IPO9: variants seen among roughly 807,000 people sequenced by gnomAD.
The protein encoded by IPO9 is importin 9.
A neutral mutation model predicts 128.6 loss-of-function variants in IPO9; 28 were observed. That is an observed-to-expected ratio of 0.22 (90% confidence interval 0.16 to 0.30). The LOEUF is 0.30. Ranked by LOEUF, IPO9 falls within the 10% of genes least tolerant of loss-of-function variation. The pLI, the probability that IPO9 is intolerant of heterozygous loss-of-function variation, is 1.00. For missense variants in IPO9, 935 were observed against 1,293.9 expected, an observed-to-expected ratio of 0.72 and a Z score of 4.26; for synonymous variants, 455 against 475.8, an observed-to-expected ratio of 0.96 and a Z score of 0.57.
At position 201,855,112 on chromosome 1, in the gene IPO9, T is replaced by C. The variant is rs763524333; in HGVS notation, c.912-12T>C. On this transcript the variant is annotated splice_polypyrimidine_tract_variant and intron_variant, in intron 8 of 23. Coordinates refer to ENST00000361565, the MANE Select transcript of IPO9 (RefSeq NM_018085.5). The stretch of plus-strand genomic sequence containing the variant: ...CAGACTCCAAATTCTATTTCTTTAC[T>C]CTTCATCATACTTATGTGAGGACAG... 6 of 1,558,150 alleles carry C rather than the reference T, an allele frequency of 3.9e-6. No individual in the cohort carries two copies. The highest frequency in any genetic ancestry group is 5.3e-6 in the Non-Finnish European group (6 of 1,133,472).
At chr1:201,859,567 T>A (rs1459421668) in intron 13 of IPO9, among the ~76,000 whole-genome samples, 1 of 152,188 alleles carries the variant, frequency 6.6e-6, no homozygotes, top group Non-Finnish European at 1.5e-5. Context: ...ACATTCTTCC[T>A]GTTTGTTTCC....
intron 1 of IPO9, among the ~76,000 whole-genome samples, chr1:201,833,011 T>C (rs1194244115): frequency 6.6e-6 from 1 of 152,220 alleles, no homozygotes; most frequent in East Asian, 1.9e-4. Context: ...TAAAGATTGC[T>C]GGAGCCTAGA....
chr1:201,831,602 A>G (rs781713144), intron 1 of IPO9, among the ~76,000 whole-genome samples: 28 of 152,136 alleles, frequency 1.8e-4, no homozygotes, highest in Non-Finnish European at 7.4e-5. Flanking sequence ...GTTATCTTTG[A>G]CATTGGGTTC....
intron 16 of IPO9, among the ~76,000 whole-genome samples, chr1:201,869,018 C>T (rs780900245): frequency 2.0e-5 from 3 of 152,002 alleles, no homozygotes; most frequent in African/African-American, 7.3e-5. Flanking sequence ...TTTGGGAGGC[C>T]GAGGTGGGTG....
intron 2 of IPO9, 66 bp downstream of exon 2, chr1:201,847,406 G>A: frequency 2.0e-6 from 3 of 1,506,746 alleles, no homozygotes; most frequent in Admixed American, 1.8e-5. Context: ...TTTCTTATAG[G>A]AAAGAAAAAT....
intron 14 of IPO9, 28 bp from the exon 15 acceptor site, chr1:201,866,705 T>C: frequency 6.5e-7 from 1 of 1,540,678 alleles, no homozygotes; most frequent in Non-Finnish European, 9.0e-7. Context: ...TTTTTTTTAA[T>C]AATTCTTGCT....
intron 14 of IPO9, among the ~76,000 whole-genome samples, chr1:201,865,129 A>G (rs956080405): frequency 1.3e-5 from 2 of 150,112 alleles, no homozygotes; most frequent in Admixed American, 6.6e-5. Flanking sequence ...CCCTTTGGTC[A>G]TTTCCTATTT....
chr1:201,872,418 C>A (rs1680670174), intron 19 of IPO9, among the ~76,000 whole-genome samples: 2 of 151,930 alleles, frequency 1.3e-5, no homozygotes, highest in Admixed American at 6.6e-5. Flanking sequence ...ACCCGGGCAA[C>A]ATGGTGAAAC....
chr1:201,850,834 G>C (rs990400151), intron 4 of IPO9: 6 of 152,030 alleles, frequency 3.9e-5, no homozygotes, highest in Non-Finnish European at 8.8e-5. Context: ...CTTTATCCTT[G>C]AGGAGGAAAT....
rs1490563203 is a variant in IPO9, at chr1:201,880,698, C to G, written c.*4644C>G. 6.6e-6 allele frequency: 1 copy of G among 152,200 alleles called. No individual in the cohort carries two copies. The highest frequency in any genetic ancestry group is 1.5e-5 in the Non-Finnish European group (1 of 68,032). The allele number at this position is 152,200 out of a possible 1,614,324, so 9.4% of individuals were successfully genotyped here. On this transcript the variant is annotated 3_prime_UTR_variant, in exon 24 of 24. Transcript: ENST00000361565. ...GCTGGAGGGCTTTGGCCCTTTCCCT[C>G]AAGGAGCTAGTCTAGTAGGGGGTCA...
intron 1 of IPO9, among the ~76,000 whole-genome samples, chr1:201,843,454 T>C (rs566403020): frequency 6.6e-6 from 1 of 152,352 alleles, no homozygotes; most frequent in African/African-American, 2.4e-5. Context: ...AAGTATCTTG[T>C]AAGTAAGAAG....
chr1:201,850,739 GTTA>G (rs1273346929), intron 4 of IPO9: 6 of 152,038 alleles, frequency 3.9e-5, no homozygotes, highest in South Asian at 2.1e-4. Flanking sequence ...CATAAAACTT[GTTA>G]TTATGCCATC....
chr1:201,856,811 C>T lies in IPO9; in HGVS notation c.1123-285C>T, dbSNP rs149344020. On this transcript the variant is annotated intron_variant, in intron 10 of 23. Coordinates refer to ENST00000361565, the MANE Select transcript of IPO9 (RefSeq NM_018085.5). ...AAGCCATCCTCCTGCCTCAGCCTCC[C>T]GAGTAGCTGAGACCACAGGCATATG... 6.7e-3 allele frequency among the ~76,000 whole-genome samples: 1,020 copies of T among 152,222 alleles called. 8 individuals carry two copies. The highest frequency in any genetic ancestry group is 6.4e-3 in the Non-Finnish European group (438 of 68,018).
chr1:201,858,798 T>A (rs1426656938), intron 12 of IPO9, 57 bp from the exon 13 acceptor site: 1 of 1,532,576 alleles, frequency 6.5e-7, no homozygotes, highest in Non-Finnish European at 8.9e-7. Flanking sequence ...TTTCCTCAAA[T>A]ATTTATCTCT....
At chr1:201,868,823 G>A (rs6667716) in intron 16 of IPO9, 27 bp downstream of exon 16, 1 of 1,585,864 alleles carries the variant, frequency 6.3e-7, no homozygotes, top group Non-Finnish European at 8.6e-7. Context: ...GTGTGTGTGT[G>A]TGTGTGAGAG....
At chr1:201,867,937 C>G (rs757567434) in intron 15 of IPO9, among the ~76,000 whole-genome samples, 8 of 152,134 alleles carry the variant, frequency 5.3e-5, no homozygotes, top group Non-Finnish European at 1.2e-4. Flanking sequence ...ACTAATGTTC[C>G]ATAAAATGGG....
At chr1:201,843,056 A>G (rs917354354) in intron 1 of IPO9, among the ~76,000 whole-genome samples, 2 of 152,194 alleles carry the variant, frequency 1.3e-5, no homozygotes, top group South Asian at 2.1e-4. Context: ...TGGAAGGAGC[A>G]TTACAATCAG....
chr1:201,852,157 C>T lies in IPO9; in HGVS notation c.568C>T (p.Leu190Phe), dbSNP rs369847498. ...TQMPLVAPVI[L>F]PEMYKIFTMA... ...GATGCCACTTGTTGCTCCTGTCATT[C>T]TCCCAGAGATGTATAAGATCTTCAC... The change falls in exon 5 of 24, where the codon CTC becomes TTC. Residue 190 changes from leucine (L) to phenylalanine (F), a missense_variant. Around this residue, in one of 3 missense-constraint regions of IPO9, gnomAD observed 741 missense variants for 1,019.1 expected, o/e 0.73. Transcript: ENST00000361565. 2.5e-6 allele frequency: 4 copies of T among 1,612,882 alleles called. No individual in the cohort carries two copies. Among genetic ancestry groups the T allele is most frequent in the Non-Finnish European group, 3.4e-6 (4 of 1,178,966 alleles).
rs1404079796 is a variant in IPO9 at position 201,877,166 on chromosome 1, T to A, written c.*1112T>A. ...AAGGGAGATTCCTTAATTGGGAAGTTTAGTCTGTTTGGGGTTCAAAGAGTA... is the reference window on the plus strand; with the variant it reads ...AAGGGAGATTCCTTAATTGGGAAGTATAGTCTGTTTGGGGTTCAAAGAGTA... On this transcript the variant is annotated 3_prime_UTR_variant, in exon 24 of 24. Transcript: ENST00000361565. The A allele has an allele frequency of 6.6e-6, 1 of 152,136 alleles. No individual in the cohort carries two copies. The highest frequency in any genetic ancestry group is 6.6e-5 in the Admixed American group (1 of 15,262). 9.4% of individuals were successfully genotyped at this position (152,136 alleles called of 1,614,324 possible). A position where few individuals can be genotyped will look rare whatever the true frequency, so the allele number is the denominator to read the frequency against.
Sources: allele counts gnomAD v4.1 joint callset (sites outside exome capture counted in the v4.1 genomes callset), GRCh38; gene constraint gnomAD v4.1.1; regional missense constraint gnomAD v4.1.1; transcripts MANE v1.5; gene names NCBI Gene and HGNC (gene_info 2026-07-23, HGNC 2026-07-21).